Variants in DUSP15 observed in about 807,000 individuals in gnomAD.
DUSP15 encodes dual specificity protein phosphatase 15.
A neutral mutation model predicts 26.3 loss-of-function variants in DUSP15; 23 were observed. The ratio of observed to expected loss-of-function variants is 0.87; its 90% CI spans 0.63 to 1.24. The LOEUF (loss-of-function observed/expected upper bound fraction) is 1.24, where lower values mean the gene tolerates loss of function less well. DUSP15 is among the 50% of genes most tolerant of loss of function. The pLI is 0.00. For synonymous variants in DUSP15, 143 were observed against 135.5 expected, an observed-to-expected ratio of 1.06 and a Z score of -0.39; for missense variants, 364 against 320.6, an observed-to-expected ratio of 1.14 and a Z score of -1.03.
chr20:31,852,100 T>C (rs891771146), intron 6 of DUSP15, among the ~76,000 whole-genome samples: 3 of 151,430 alleles, frequency 2.0e-5, no homozygotes, highest in African/African-American at 7.3e-5. Context: ...CTCCACCTCC[T>C]GGGTTCAAGT....
intron 4 of DUSP15, among the ~76,000 whole-genome samples, chr20:31,864,627 C>A (rs2062728367): frequency 6.6e-6 from 1 of 152,228 alleles, no homozygotes; most frequent in South Asian, 2.1e-4. Flanking sequence ...CAGAGCCTGG[C>A]CGGAACTCAG....
chr20:31,869,849 A>T, intron 1 of DUSP15: 1 of 1,413,224 alleles, frequency 7.1e-7, no homozygotes, highest in Non-Finnish European at 9.2e-7. Context: ...ATGAGAGGGG[A>T]GAGGAGGAAG....
intron 6 of DUSP15, among the ~76,000 whole-genome samples, chr20:31,855,274 G>T (rs1317942507): frequency 2.6e-5 from 4 of 152,168 alleles, no homozygotes; most frequent in African/African-American, 9.6e-5. Flanking sequence ...CTGGGTGGTT[G>T]GGGGGCAACT....
chr20:31,858,157 G>A (rs2062591920), downstream of DUSP15, among the ~76,000 whole-genome samples: 1 of 152,178 alleles, frequency 6.6e-6, no homozygotes, highest in African/African-American at 2.4e-5. The surrounding 1 kb of genome is among the most constrained non-coding windows in gnomAD (Gnocchi z 4.4). Flanking sequence ...GAAGAGTGCT[G>A]AGTCCTGTTG....
At chr20:31,852,308 C>A (rs2062482832) in intron 6 of DUSP15, among the ~76,000 whole-genome samples, 1 of 152,226 alleles carries the variant, frequency 6.6e-6, no homozygotes, top group Non-Finnish European at 1.5e-5. Flanking sequence ...TGCATCCAGC[C>A]AGTTTCCTCC....
intron 6 of DUSP15, among the ~76,000 whole-genome samples, chr20:31,855,671 G>A (rs538403573): frequency 5.9e-5 from 9 of 152,268 alleles, no homozygotes; most frequent in South Asian, 4.1e-4. Flanking sequence ...ATATGCATAC[G>A]TCTTAAGGGA....
At position 31,863,964 on chromosome 20, in the gene DUSP15, T is replaced by C; in HGVS notation, c.206A>G (p.Glu69Gly). ...PEVPIKKHFK[E>G]CINFIHCCRL... ...GCAGCAGTGGATGAAGTTGATACAT[T>C]CTTTGAAGTGCTTTTTGCTAGAGGA... is the stretch of plus-strand genomic sequence containing the variant. The change falls in exon 5 of 7, where the codon GAA becomes GGA. Residue 69 changes from glutamate (E) to glycine (G), a missense_variant. Coordinates refer to ENST00000339738, the MANE Select transcript of DUSP15 (RefSeq NM_080611.5). 6.2e-7 allele frequency: 1 copy of C among 1,613,868 alleles called. No individual in the cohort carries two copies. Among genetic ancestry groups the C allele is most frequent in the Non-Finnish European group, 8.5e-7 (1 of 1,179,942 alleles).
chr20:31,867,696 G>C, intron 2 of DUSP15, among the ~76,000 whole-genome samples: 1 of 136,246 alleles, frequency 7.3e-6, no homozygotes, highest in Non-Finnish European at 1.5e-5. Context: ...CCAGGCTGGA[G>C]TCCAGTGGCG....
chr20:31,861,679 GGGTGGGCGGGTGA>G lies in DUSP15; in HGVS notation c.436-17_436-5del, dbSNP rs1377483009. Reference sequence around the variant, plus strand: ...GCTCCTCCAGCTGCCGGCGAAGCTGGGGTGGGCGGGTGAGGTGGGCGGGGTCAAGGCCGGCGCG... The same window carrying G: ...GCTCCTCCAGCTGCCGGCGAAGCTGGGGTGGGCGGGGTCAAGGCCGGCGCG... On this transcript the variant is annotated splice_polypyrimidine_tract_variant and splice_region_variant and intron_variant, in intron 6 of 6. Coordinates refer to ENST00000339738, the MANE Select transcript of DUSP15 (RefSeq NM_080611.5). 1.7e-5 allele frequency: 25 copies of G among 1,461,760 alleles called. No individual in the cohort carries two copies. The highest frequency in any genetic ancestry group is 8.8e-5 in the East Asian group (3 of 33,914). 90.5% of individuals were successfully genotyped at this position (1,461,760 alleles called of 1,614,324 possible). A position where few individuals can be genotyped will look rare whatever the true frequency, so the allele number is the denominator to read the frequency against.
intron 6 of DUSP15, among the ~76,000 whole-genome samples, chr20:31,851,753 C>T (rs1478280571): frequency 1.3e-5 from 2 of 152,072 alleles, no homozygotes; most frequent in African/African-American, 2.4e-5. Context: ...TGGAAGAACA[C>T]ACTCAGCAGG....
chr20:31,868,798 C>T (rs1170146543), intron 2 of DUSP15, among the ~76,000 whole-genome samples: 1 of 152,168 alleles, frequency 6.6e-6, no homozygotes, highest in Non-Finnish European at 1.5e-5. Flanking sequence ...ATGGTTTCTA[C>T]CCAGCATGTT....
downstream of DUSP15, among the ~76,000 whole-genome samples, chr20:31,847,042 G>A (rs765755916): frequency 3.1e-4 from 47 of 152,274 alleles, no homozygotes; most frequent in Admixed American, 5.9e-4. Flanking sequence ...AGGCCTTCTG[G>A]AGGAGGGGAC....
chr20:31,846,293 G>GACAC (rs71336552), downstream of DUSP15, among the ~76,000 whole-genome samples: 964 of 141,094 alleles, frequency 6.8e-3, 6 homozygotes, highest in Middle Eastern at 0.015. Context: ...CACAGACACA[G>GACAC]ACACACACAC....
chr20:31,864,536 C>T, intron 4 of DUSP15: 1 of 864,096 alleles, frequency 1.2e-6, no homozygotes, highest in South Asian at 5.3e-5. Context: ...GCCTCCTTGA[C>T]TCTGATCATG....
At chr20:31,858,317 G>T (rs1274576310), downstream of DUSP15, among the ~76,000 whole-genome samples, 1 of 152,210 alleles carries the variant, frequency 6.6e-6, no homozygotes, top group Non-Finnish European at 1.5e-5. This position sits in a 1 kb window ranked among gnomAD's most constrained non-coding sequence, Gnocchi z 4.4. Flanking sequence ...TCTGCCATGG[G>T]TCACCTGCCG....
At chr20:31,860,712 C>G (rs1325290630), downstream of DUSP15, among the ~76,000 whole-genome samples, 1 of 152,194 alleles carries the variant, frequency 6.6e-6, no homozygotes, top group Non-Finnish European at 1.5e-5. Context: ...ACCTCACCTT[C>G]CTAGCTACTA....
At chr20:31,858,249 G>A (rs752464163), downstream of DUSP15, among the ~76,000 whole-genome samples, 4 of 152,252 alleles carry the variant, frequency 2.6e-5, no homozygotes, top group Non-Finnish European at 4.4e-5. This position sits in a 1 kb window ranked among gnomAD's most constrained non-coding sequence, Gnocchi z 4.4. Context: ...ATAACCCCAC[G>A]TAGCACCCAC....
At chr20:31,865,844 G>A (rs2123287311) in intron 3 of DUSP15, among the ~76,000 whole-genome samples, 1 of 152,306 alleles carries the variant, frequency 6.6e-6, no homozygotes, top group East Asian at 1.9e-4. Flanking sequence ...TGCTGATGGA[G>A]GGGGGAAGGA....
chr20:31,864,260 G>T, intron 4 of DUSP15: 1 of 1,179,972 alleles, frequency 8.5e-7, no homozygotes, highest in Non-Finnish European at 1.1e-6. Flanking sequence ...TTTCATGTTG[G>T]GTTTATTGTG....
Sources: allele counts gnomAD v4.1 joint callset (sites outside exome capture counted in the v4.1 genomes callset), GRCh38; gene constraint gnomAD v4.1.1; non-coding constraint Gnocchi (gnomAD v3.1); transcripts MANE v1.5; gene names NCBI Gene and HGNC (gene_info 2026-07-23, HGNC 2026-07-21).